NHLRC2: variants seen among roughly 807,000 people sequenced by gnomAD.
NHLRC2 encodes NHL repeat containing 2, also known as NHL repeat-containing protein 2.
NHLRC2 carries 33 observed loss-of-function variants against 68.1 expected under a neutral mutation model. The ratio of observed to expected loss-of-function variants is 0.48; its 90% CI spans 0.37 to 0.65. NHLRC2 has a LOEUF of 0.65. NHLRC2 is among the 30% of genes least tolerant of loss of function. The pLI, the probability that NHLRC2 is intolerant of heterozygous loss-of-function variation, is 0.00. For missense variants in NHLRC2, 761 were observed against 853.8 expected, an observed-to-expected ratio of 0.89 and a Z score of 1.35; for synonymous variants, 311 against 309.6, an observed-to-expected ratio of 1.00 and a Z score of -0.05.
intron 2 of NHLRC2, among the ~76,000 whole-genome samples, chr10:113,875,382 C>T (rs116719217): frequency 0.011 from 1,689 of 152,236 alleles, 25 homozygotes; most frequent in African/African-American, 0.037. Context: ...AGTGTTCATA[C>T]TCAGAAATAA....
intron 4 of NHLRC2, among the ~76,000 whole-genome samples, chr10:113,883,661 A>G (rs1307685846): frequency 6.6e-6 from 1 of 151,920 alleles, no homozygotes; most frequent in African/African-American, 2.4e-5. Context: ...TTTATAAAGT[A>G]AAGTCCGTAA....
chr10:113,884,155 C>G (rs1309295627), intron 4 of NHLRC2, 96 bp from the exon 5 acceptor site: 1 of 1,139,422 alleles, frequency 8.8e-7, no homozygotes, highest in Non-Finnish European at 1.3e-6. Context: ...CACATACACT[C>G]TAAATGTTCT....
Position 113,913,448 on chromosome 10 carries a change from T to G in NHLRC2, c.*4912T>G, listed in dbSNP as rs1254014963. ...AAAAGATTTTATGTACTACTTTTTCTTAATTTCAGATATTATCCAGAGTTT... is the reference window on the plus strand; with the variant it reads ...AAAAGATTTTATGTACTACTTTTTCGTAATTTCAGATATTATCCAGAGTTT... On this transcript the variant is annotated 3_prime_UTR_variant, in exon 11 of 11. Coordinates refer to ENST00000369301, the MANE Select transcript of NHLRC2 (RefSeq NM_198514.4). 1 of 152,234 alleles carries G rather than the reference T, an allele frequency of 6.6e-6. No individual in the cohort carries two copies. The highest frequency in any genetic ancestry group is 2.4e-5 in the African/African-American group (1 of 41,466). 9.4% of individuals were successfully genotyped at this position (152,234 alleles called of 1,614,324 possible).
In NHLRC2 at chr10:113,910,619, T is replaced by A. The variant is rs1846318616; in HGVS notation, c.*2083T>A. The A allele has an allele frequency of 6.6e-6, 1 of 152,228 alleles. No individual in the cohort carries two copies. Among genetic ancestry groups the A allele is most frequent in the Non-Finnish European group, 1.5e-5 (1 of 68,028 alleles). 9.4% of individuals were successfully genotyped at this position (152,228 alleles called of 1,614,324 possible). ...TTTAAGGACTTAAACAATTTCACAC[T>A]CTAAATGAAGTATATACAATTTTAA... On this transcript the variant is annotated 3_prime_UTR_variant, in exon 11 of 11. Coordinates refer to ENST00000369301, the MANE Select transcript of NHLRC2 (RefSeq NM_198514.4).
At chr10:113,887,765 C>CT (rs1452574047) in intron 5 of NHLRC2, among the ~76,000 whole-genome samples, 5 of 152,166 alleles carry the variant, frequency 3.3e-5, no homozygotes, top group Non-Finnish European at 7.3e-5. Flanking sequence ...GAGCAAGACT[C>CT]TGTCTCTAAA....
intron 10 of NHLRC2, 131 bp from the exon 11 acceptor site, chr10:113,908,149 A>C (rs1589550648): frequency 9.0e-6 from 6 of 665,274 alleles, no homozygotes; most frequent in Non-Finnish European, 1.5e-5. Context: ...TCCTTCCCAC[A>C]GACCGCAATG....
In NHLRC2 at chr10:113,910,522, T is replaced by C. The variant is rs1360105787; in HGVS notation, c.*1986T>C. 4.6e-5 allele frequency: 7 copies of C among 152,166 alleles called. No individual in the cohort carries two copies. The highest frequency in any genetic ancestry group is 1.7e-4 in the African/African-American group (7 of 41,444). 9.4% of individuals were successfully genotyped at this position (152,166 alleles called of 1,614,324 possible). On this transcript the variant is annotated 3_prime_UTR_variant, in exon 11 of 11. Transcript: ENST00000369301. ...CCTACTGGCCTTAGTTAATTTTTAA[T>C]CTCATTTGACTTATTATGTTTCTCA...
At position 113,910,772 on chromosome 10, in the gene NHLRC2, A is replaced by C. The variant is rs1846321041; in HGVS notation, c.*2236A>C. 1 of 152,192 alleles carries C rather than the reference A, an allele frequency of 6.6e-6. No homozygotes were observed. Among genetic ancestry groups the C allele is most frequent in the Non-Finnish European group, 1.5e-5 (1 of 68,018 alleles). The allele number at this position is 152,192 out of a possible 1,614,324, so 9.4% of individuals were successfully genotyped here. On this transcript the variant is annotated 3_prime_UTR_variant, in exon 11 of 11. Coordinates refer to ENST00000369301, the MANE Select transcript of NHLRC2 (RefSeq NM_198514.4). ...AGACTCTATTCCCCTTCATTTGTCT[A>C]GACAGTTTTAGGTTAGCCTTAGCTT...
Position 113,898,098 on chromosome 10 carries a change from A to AT in NHLRC2, c.1040-7dup. On this transcript the variant is annotated splice_polypyrimidine_tract_variant and intron_variant, in intron 5 of 10. Transcript: ENST00000369301. Reference sequence around the variant, plus strand: ...GATATGTATATAATAATAATGATTTATTTTTATAAAGGTTCAGAGGTCCAA... The same window carrying AT: ...GATATGTATATAATAATAATGATTTATTTTTTATAAAGGTTCAGAGGTCCAA... 1 of 1,552,148 alleles carries AT rather than the reference A, an allele frequency of 6.4e-7. No homozygotes were observed. Among genetic ancestry groups the AT allele is most frequent in the Non-Finnish European group, 8.9e-7 (1 of 1,128,688 alleles).
chr10:113,871,791 T>C (rs1170195094), intron 2 of NHLRC2, among the ~76,000 whole-genome samples: 1 of 151,976 alleles, frequency 6.6e-6, no homozygotes, highest in East Asian at 1.9e-4. Flanking sequence ...TTCCAAACAA[T>C]AAAAAAGGGG....
At chr10:113,874,747 T>C (rs1307662791) in intron 2 of NHLRC2, among the ~76,000 whole-genome samples, 6 of 152,024 alleles carry the variant, frequency 3.9e-5, no homozygotes, top group Non-Finnish European at 8.8e-5. Flanking sequence ...TTTTTTTCAA[T>C]CTTCTTTCTC....
intron 2 of NHLRC2, among the ~76,000 whole-genome samples, chr10:113,862,462 T>A (rs1845825864): frequency 6.8e-6 from 1 of 147,552 alleles, no homozygotes; most frequent in Non-Finnish European, 1.5e-5. Flanking sequence ...AATGTTTCAC[T>A]ACAAAATAAA....
chr10:113,876,858 G>A lies in NHLRC2; in HGVS notation c.669G>A (p.Leu223=), dbSNP rs759954573. The change falls in exon 3 of 11, where the codon TTG becomes TTA. Residue 223 remains leucine, a synonymous_variant. Transcript: ENST00000369301. ...AAGATTCTTTGCCACCTTCACCATT[G>A]CTATTTCCTGGCAAAGTAACAGTAG... The part of the protein sequence containing the change: ...LYKDSLPPSP[L]LFPGKVTVDQ... 2 of 1,612,192 alleles carry A rather than the reference G, an allele frequency of 1.2e-6. No individual in the cohort carries two copies. The highest frequency in any genetic ancestry group is 2.2e-5 in the South Asian group (2 of 91,046).
At chr10:113,896,868 C>T (rs1466584981) in intron 5 of NHLRC2, among the ~76,000 whole-genome samples, 1 of 151,742 alleles carries the variant, frequency 6.6e-6, no homozygotes, top group Non-Finnish European at 1.5e-5. Flanking sequence ...GTGGCGGGTG[C>T]CTGTAGTCCC....
chr10:113,859,940 GAGGAAGCTTC>G (rs1845800244), intron 2 of NHLRC2, among the ~76,000 whole-genome samples: 2 of 152,188 alleles, frequency 1.3e-5, no homozygotes, highest in Non-Finnish European at 2.9e-5. Context: ...ACTCCTGGCT[GAGGAAGCTTC>G]AGGTAAACAA....
At chr10:113,871,854 G>A (rs938883076) in intron 2 of NHLRC2, among the ~76,000 whole-genome samples, 2 of 152,138 alleles carry the variant, frequency 1.3e-5, no homozygotes, top group Admixed American at 1.3e-4. Flanking sequence ...AGGAGACAGA[G>A]AATATCATGG....
At chr10:113,865,445 T>C (rs542157301) in intron 2 of NHLRC2, among the ~76,000 whole-genome samples, 1 of 152,244 alleles carries the variant, frequency 6.6e-6, no homozygotes, top group South Asian at 2.1e-4. Flanking sequence ...TATTTCTTTT[T>C]TAGATTACCG....
intron 5 of NHLRC2, among the ~76,000 whole-genome samples, chr10:113,895,067 A>G (rs779871990): frequency 2.0e-5 from 3 of 152,228 alleles, no homozygotes; most frequent in Non-Finnish European, 4.4e-5. Flanking sequence ...TCAAATATCC[A>G]CAGCATTTTT....
In NHLRC2 at chr10:113,898,107, A is replaced by G; in HGVS notation, c.1040-3A>G. 1 of 1,582,906 alleles carries G rather than the reference A, an allele frequency of 6.3e-7. No individual in the cohort carries two copies. Among genetic ancestry groups the G allele is most frequent in the Non-Finnish European group, 8.7e-7 (1 of 1,154,102 alleles). On this transcript the variant is annotated splice_polypyrimidine_tract_variant and splice_region_variant and intron_variant, in intron 5 of 10. Coordinates refer to ENST00000369301, the MANE Select transcript of NHLRC2 (RefSeq NM_198514.4). ...ATAATAATAATGATTTATTTTTATA[A>G]AGGTTCAGAGGTCCAAAGAGGTGAC...
Sources: allele counts gnomAD v4.1 joint callset (sites outside exome capture counted in the v4.1 genomes callset), GRCh38; gene constraint gnomAD v4.1.1; transcripts MANE v1.5; gene names NCBI Gene and HGNC (gene_info 2026-07-23, HGNC 2026-07-21).